Variants in ANO6 observed in about 807,000 individuals in gnomAD.
ANO6 encodes the protein anoctamin-6.
A neutral mutation model predicts 117.5 loss-of-function variants in ANO6; 106 were observed. That is an observed-to-expected ratio of 0.90 (90% CI 0.77 to 1.06). The LOEUF (loss-of-function observed/expected upper bound fraction) is 1.06, where lower values mean the gene tolerates loss of function less well. Among genes scored for constraint, ANO6 ranks in the 50% least tolerant of loss-of-function variants. The pLI, the probability that ANO6 is intolerant of heterozygous loss-of-function variation, is 0.00. For synonymous variants in ANO6, 367 were observed against 385.1 expected (o/e 0.95, Z 0.55); for missense variants, 955 against 1,121.1 (o/e 0.85, Z 2.12).
At chr12:45,311,999 G>A (rs1473558133) in intron 2 of ANO6, among the ~76,000 whole-genome samples, 1 of 151,956 alleles carries the variant, frequency 6.6e-6, no homozygotes, top group Non-Finnish European at 1.5e-5. Flanking sequence ...CCATATAACA[G>A]TGTTCATTCT....
chr12:45,383,879 G>A (rs538518877), intron 10 of ANO6, among the ~76,000 whole-genome samples: 1 of 152,166 alleles, frequency 6.6e-6, no homozygotes, highest in Non-Finnish European at 1.5e-5. Flanking sequence ...GTCACCAGCT[G>A]CATTAGCCCC....
chr12:45,231,127 A>T (rs1947567262), intron 1 of ANO6, among the ~76,000 whole-genome samples: 1 of 152,190 alleles, frequency 6.6e-6, no homozygotes, highest in African/African-American at 2.4e-5. Flanking sequence ...GAAAAATTCT[A>T]AAATGTTTAA....
intron 3 of ANO6, 83 bp from the exon 4 acceptor site, chr12:45,346,939 G>A (rs1592995157): frequency 3.9e-6 from 5 of 1,271,844 alleles, no homozygotes; most frequent in East Asian, 4.7e-5. Flanking sequence ...GTTTGATTTT[G>A]TTATTAATAT....
rs1188734796 is a variant in ANO6 at position 45,432,263 on chromosome 12, C to A, written c.*2952C>A. On this transcript the variant is annotated 3_prime_UTR_variant, in exon 20 of 20. Coordinates refer to ENST00000320560, the MANE Select transcript of ANO6 (RefSeq NM_001025356.3). ...GTTAATTTCTGTGCATTTTAATATT[C>A]TTTTATAATTATTAATGTTAATTTC... The A allele has an allele frequency of 1.1e-6, 1 of 948,272 alleles. No individual in the cohort carries two copies. Among genetic ancestry groups the A allele is most frequent in the African/African-American group, 1.8e-5 (1 of 55,962 alleles). 58.7% of individuals were successfully genotyped at this position (948,272 alleles called of 1,614,324 possible).
intron 12 of ANO6, among the ~76,000 whole-genome samples, chr12:45,397,333 A>C (rs1440841770): frequency 1.3e-5 from 2 of 152,208 alleles, no homozygotes; most frequent in Non-Finnish European, 2.9e-5. Context: ...AAAAGTCAGG[A>C]AACAACAGGT....
chr12:45,255,826 T>G (rs917731689), intron 1 of ANO6, among the ~76,000 whole-genome samples: 1 of 145,820 alleles, frequency 6.9e-6, no homozygotes, highest in East Asian at 2.1e-4. Flanking sequence ...GTGTTTTTTT[T>G]TTTTTTTTTT....
At chr12:45,327,401 A>G (rs931052855) in intron 2 of ANO6, among the ~76,000 whole-genome samples, 1 of 152,216 alleles carries the variant, frequency 6.6e-6, no homozygotes, top group African/African-American at 2.4e-5. Context: ...AAAGCTTTTA[A>G]AAAGGCTGTG....
chr12:45,338,228 G>A (rs1036347593), intron 3 of ANO6, among the ~76,000 whole-genome samples: 6 of 151,972 alleles, frequency 3.9e-5, no homozygotes, highest in Non-Finnish European at 7.4e-5. Context: ...ACAGTGTTCT[G>A]GTAGGAAAGA....
intron 1 of ANO6, among the ~76,000 whole-genome samples, chr12:45,282,109 G>T (rs10748417): frequency 0.94 from 143,488 of 152,218 alleles, 68,217 homozygotes; most frequent in East Asian, 1. Flanking sequence ...GCCAAATAAG[G>T]GGGGTTACCA....
chr12:45,372,354 C>T (rs1471603377), intron 9 of ANO6, among the ~76,000 whole-genome samples: 13 of 138,038 alleles, frequency 9.4e-5, no homozygotes, highest in Non-Finnish European at 1.9e-4. Context: ...TCAGGAAATA[C>T]AGAGAATGCC....
chr12:45,409,267 A>T, intron 15 of ANO6, 90 bp from the exon 16 acceptor site: 1 of 1,495,012 alleles, frequency 6.7e-7, no homozygotes, highest in Non-Finnish European at 9.3e-7. Flanking sequence ...TGGGAAGATT[A>T]CTTGTGCAGC....
At chr12:45,284,535 G>T (rs906111330) in intron 1 of ANO6, among the ~76,000 whole-genome samples, 12 of 152,208 alleles carry the variant, frequency 7.9e-5, no homozygotes, top group African/African-American at 2.7e-4. Context: ...TTTAAAAGGG[G>T]TGTTGTTTGC....
intron 1 of ANO6, among the ~76,000 whole-genome samples, chr12:45,278,440 C>T (rs948415156): frequency 6.6e-6 from 1 of 152,142 alleles, no homozygotes; most frequent in Non-Finnish European, 1.5e-5. Context: ...TGAATTGGTT[C>T]TCCAATTTTC....
chr12:45,408,360 A>G (rs142961782), intron 15 of ANO6, among the ~76,000 whole-genome samples: 1,544 of 152,282 alleles, frequency 0.01, 22 homozygotes, highest in African/African-American at 0.034. Context: ...ACAGTTCTCT[A>G]TGCCACAGGT....
chr12:45,305,144 A>G (rs542272328), intron 2 of ANO6, among the ~76,000 whole-genome samples: 10 of 152,252 alleles, frequency 6.6e-5, no homozygotes, highest in African/African-American at 2.4e-4. Context: ...TGTTCTTGCT[A>G]CCCCAAAGCT....
chr12:45,316,779 A>AT (rs999976231), intron 2 of ANO6, among the ~76,000 whole-genome samples: 8 of 151,394 alleles, frequency 5.3e-5, no homozygotes, highest in Non-Finnish European at 1.0e-4. Flanking sequence ...ATATATATGT[A>AT]TTATACTATT....
chr12:45,314,819 C>G (rs1199614088), intron 2 of ANO6, among the ~76,000 whole-genome samples: 1 of 152,014 alleles, frequency 6.6e-6, no homozygotes, highest in Non-Finnish European at 1.5e-5. Context: ...TACAGCAACA[C>G]CTTGATTAGT....
intron 1 of ANO6, among the ~76,000 whole-genome samples, chr12:45,255,818 G>GGTTTTTTTTTTTTTTTTTTTTTTTTTT (rs749001458): frequency 1.1e-4 from 9 of 81,692 alleles, no homozygotes; most frequent in African/African-American, 3.6e-4. Context: ...CTCCCTGGGT[G>GGTTTTTTTTTTTTTTTTTTTTTTTTTT]TTTTTTTTTT....
chr12:45,422,517 G>A (rs998894640), intron 18 of ANO6, among the ~76,000 whole-genome samples: 1 of 151,864 alleles, frequency 6.6e-6, no homozygotes, highest in Non-Finnish European at 1.5e-5. Context: ...TTACCAAATT[G>A]AGCTTTAAGA....
Sources: allele counts gnomAD v4.1 joint callset (sites outside exome capture counted in the v4.1 genomes callset), GRCh38; gene constraint gnomAD v4.1.1; transcripts MANE v1.5; gene names NCBI Gene and HGNC (gene_info 2026-07-23, HGNC 2026-07-21).